The following POR variants were observed in gnomAD, a reference collection of about 807,000 sequenced individuals.
POR encodes the protein NADPH--cytochrome P450 reductase.
POR carries 56 observed loss-of-function variants against 84.0 expected under a neutral mutation model. The observed-to-expected ratio is 0.67, with a 90% CI of 0.54 to 0.83. The LOEUF (loss-of-function observed/expected upper bound fraction) is 0.83. Ranked by LOEUF, POR falls within the 40% of genes least tolerant of loss-of-function variation. The pLI is 0.00. For synonymous variants in POR, 414 were observed against 400.5 expected, an observed-to-expected ratio of 1.03 and a Z score of -0.40; for missense variants, 938 against 944.3, an observed-to-expected ratio of 0.99 and a Z score of 0.09.
chr7:75,917,841 A>T (rs1554548247), intron 1 of POR, among the ~76,000 whole-genome samples: 2 of 152,102 alleles, frequency 1.3e-5, no homozygotes, highest in African/African-American at 4.8e-5. Context: ...ACAGCCTCCC[A>T]GGTGGCTACA....
chr7:75,946,377 C>T (rs184973604), intron 1 of POR, among the ~76,000 whole-genome samples: 10 of 152,120 alleles, frequency 6.6e-5, no homozygotes, highest in Admixed American at 1.3e-4. Context: ...ACCTCAACCT[C>T]CTGGGCTCAG....
At chr7:75,933,071 A>G (rs563756670) in intron 1 of POR, among the ~76,000 whole-genome samples, 1 of 152,230 alleles carries the variant, frequency 6.6e-6, no homozygotes, top group East Asian at 1.9e-4. Context: ...TGCATGTAAA[A>G]AACTGGTAGA....
intron 3 of POR, among the ~76,000 whole-genome samples, 193 bp from the exon 4 acceptor site, chr7:75,979,258 C>A (rs1788868644): frequency 6.6e-6 from 1 of 152,180 alleles, no homozygotes; most frequent in African/African-American, 2.4e-5. Flanking sequence ...GCCTTGGTGA[C>A]CTTTGCCCTC....
chr7:75,923,085 A>ACG (rs1806955804), intron 1 of POR: 1 of 719,358 alleles, frequency 1.4e-6, no homozygotes, highest in African/African-American at 1.8e-5. Context: ...CAAGACTTAA[A>ACG]CCTAAAAATG....
intron 1 of POR, among the ~76,000 whole-genome samples, chr7:75,938,310 G>C (rs1045722442): frequency 2.0e-5 from 3 of 152,160 alleles, no homozygotes; most frequent in African/African-American, 7.2e-5. Flanking sequence ...TTGATATTAG[G>C]GGTGCAGGCA....
chr7:75,963,812 T>C (rs980855990), intron 2 of POR, among the ~76,000 whole-genome samples: 4 of 150,836 alleles, frequency 2.7e-5, no homozygotes, highest in Admixed American at 2.6e-4. Context: ...TCGTGGGGGG[T>C]CAGAGGTCAT....
chr7:75,979,701 G>A lies in POR; in HGVS notation c.366+122G>A, dbSNP rs72553997. ...AGTGGGGTCCTGGGAAGACGTCCTCGGAAGTTGCCTTCCCGTGAGGGTCAT... is the reference window on the plus strand; with the variant it reads ...AGTGGGGTCCTGGGAAGACGTCCTCAGAAGTTGCCTTCCCGTGAGGGTCAT... On this transcript the variant is annotated intron_variant, in intron 4 of 15. Transcript: ENST00000461988. 3.1e-4 allele frequency: 426 copies of A among 1,386,608 alleles called. 1 individual carries two copies. Among genetic ancestry groups the A allele is most frequent in the South Asian group, 1.4e-3 (103 of 75,396 alleles). The allele number at this position is 1,386,608 out of a possible 1,614,324, so 85.9% of individuals were successfully genotyped here.
intron 1 of POR, among the ~76,000 whole-genome samples, chr7:75,938,636 A>G (rs781857574): frequency 1.3e-5 from 2 of 152,098 alleles, no homozygotes; most frequent in Non-Finnish European, 2.9e-5. Context: ...GTGCATGCCT[A>G]TGGTCTCAGC....
intron 4 of POR, among the ~76,000 whole-genome samples, chr7:75,980,001 T>C (rs1370573208): frequency 6.6e-6 from 1 of 152,186 alleles, no homozygotes. Context: ...GGCTGTGCGG[T>C]GCCTGGGAGC....
chr7:75,930,113 CAT>C (rs1554549980), intron 1 of POR, among the ~76,000 whole-genome samples: 1 of 152,140 alleles, frequency 6.6e-6, no homozygotes, highest in Non-Finnish European at 1.5e-5. Context: ...ACAGGTTTAT[CAT>C]ATGAATCAAA....
chr7:75,933,968 G>GTT (rs782331445), intron 1 of POR, among the ~76,000 whole-genome samples: 28 of 141,334 alleles, frequency 2.0e-4, no homozygotes, highest in East Asian at 4.1e-4. Flanking sequence ...GGCAAGGACA[G>GTT]TTTTTTTTTT....
Position 75,986,044 on chromosome 7 carries a change from C to T in POR, c.1791C>T (p.Ala597=), listed in dbSNP as rs1554559319. The T allele has an allele frequency of 2.2e-5, 34 of 1,560,296 alleles. No homozygotes were observed. The highest frequency in any genetic ancestry group is 2.9e-5 in the Non-Finnish European group (34 of 1,153,192). ...GTGCGCTCACCCAGCTCAACGTGGC[C>T]TTCTCCCGGGAGCAGTCCCACAAGG... is the stretch of plus-strand genomic sequence containing the variant. The change falls in exon 14 of 16, where the codon GCC becomes GCT. Residue 597 remains alanine, a synonymous_variant. Coordinates refer to ENST00000461988, the MANE Select transcript of POR (RefSeq NM_000941.3).
chr7:75,944,738 A>G (rs1219959710), intron 1 of POR, among the ~76,000 whole-genome samples: 1 of 152,162 alleles, frequency 6.6e-6, no homozygotes, highest in Non-Finnish European at 1.5e-5. Context: ...GAACCGAAAT[A>G]TACAATAGTC....
In POR at chr7:75,980,354, C is replaced by G. The variant is rs1554557521; in HGVS notation, c.382C>G (p.Leu128Val). The G allele has an allele frequency of 6.2e-7, 1 of 1,612,936 alleles. No homozygotes were observed. Among genetic ancestry groups the G allele is most frequent in the Non-Finnish European group, 8.5e-7 (1 of 1,179,702 alleles). The stretch of plus-strand genomic sequence containing the variant: ...GTTTCTGCAGGCCGACCTGAGCAGC[C>G]TGCCAGAGATCGACAACGCCCTGGT... Residue 128 changes from leucine (L) to valine (V), a missense_variant, in exon 5 of 16, where the codon CTG (leucine) becomes GTG (valine). Coordinates refer to ENST00000461988, the MANE Select transcript of POR (RefSeq NM_000941.3).
At chr7:75,945,415 C>T (rs1787132761) in intron 1 of POR, 1 of 152,176 alleles carries the variant, frequency 6.6e-6, no homozygotes, top group South Asian at 2.1e-4. Context: ...AAATCTGCAC[C>T]AACATCTCAG....
intron 3 of POR, among the ~76,000 whole-genome samples, chr7:75,974,315 G>A (rs1184772810): frequency 1.3e-5 from 2 of 152,044 alleles, no homozygotes; most frequent in African/African-American, 4.8e-5. Context: ...GAGTCACACC[G>A]TGGCACGCGC....
chr7:75,918,549 C>T (rs986774943), intron 1 of POR: 1 of 151,486 alleles, frequency 6.6e-6, no homozygotes, highest in African/African-American at 2.4e-5. Context: ...AGCAGTGGGT[C>T]CTTCTTCATC....
chr7:75,950,322 T>C (rs1316917525), intron 1 of POR, among the ~76,000 whole-genome samples: 3 of 152,248 alleles, frequency 2.0e-5, no homozygotes, highest in Non-Finnish European at 4.4e-5. Context: ...CCATGAGTTA[T>C]GCAATCAGCT....
At chr7:75,955,020 T>C (rs1787623646) in intron 2 of POR, among the ~76,000 whole-genome samples, 1 of 152,148 alleles carries the variant, frequency 6.6e-6, no homozygotes, top group African/African-American at 2.4e-5. Context: ...TTTTTGTATT[T>C]TTTTATAGAG....
Sources: allele counts gnomAD v4.1 joint callset (sites outside exome capture counted in the v4.1 genomes callset), GRCh38; gene constraint gnomAD v4.1.1; transcripts MANE v1.5; gene names NCBI Gene and HGNC (gene_info 2026-07-23, HGNC 2026-07-21).